STK32B: variants seen among roughly 807,000 people sequenced by gnomAD.
The protein encoded by STK32B is serine/threonine kinase 32B, also known as serine/threonine-protein kinase 32B.
Under a neutral mutation model 52.6 loss-of-function variants are expected in STK32B, and 43 were observed. That is an observed-to-expected ratio of 0.82 (90% CI 0.64 to 1.05). The LOEUF (loss-of-function observed/expected upper bound fraction) is 1.05. STK32B is among the 50% of genes least tolerant of loss of function. The pLI is 0.00. For missense variants in STK32B, 621 were observed against 534.6 expected (o/e 1.16, Z -1.59); for synonymous variants, 238 against 204.3 (o/e 1.17, Z -1.41).
chr4:5,177,330 A>T (rs1468022542), intron 3 of STK32B, among the ~76,000 whole-genome samples: 1 of 152,168 alleles, frequency 6.6e-6, no homozygotes, highest in Admixed American at 6.5e-5. Flanking sequence ...AGATCTTATG[A>T]GAACTCAGTA....
At chr4:5,149,169 A>G (rs984073357) in intron 2 of STK32B, among the ~76,000 whole-genome samples, 6 of 151,876 alleles carry the variant, frequency 4.0e-5, no homozygotes, top group African/African-American at 1.4e-4. Flanking sequence ...TAACCTACTT[A>G]TGCTTACTGT....
intron 2 of STK32B, among the ~76,000 whole-genome samples, chr4:5,164,899 T>C (rs1289145620): frequency 2.0e-5 from 3 of 152,324 alleles, no homozygotes; most frequent in East Asian, 1.9e-4. Context: ...TTTTCTCTTT[T>C]AGCCTCTATC....
intron 4 of STK32B, among the ~76,000 whole-genome samples, chr4:5,348,856 C>T (rs1316417292): frequency 6.6e-6 from 1 of 152,186 alleles, no homozygotes; most frequent in Non-Finnish European, 1.5e-5. Context: ...GGGGAATCAT[C>T]ATCCAACCCA....
chr4:5,049,618 T>C (rs1461921118), upstream of STK32B, among the ~76,000 whole-genome samples: 3 of 152,170 alleles, frequency 2.0e-5, no homozygotes, highest in Non-Finnish European at 2.9e-5. Context: ...TGTCATCAGT[T>C]AAGGCAGGAA....
intron 1 of STK32B, among the ~76,000 whole-genome samples, chr4:5,104,482 T>C (rs545813671): frequency 6.6e-6 from 1 of 152,362 alleles, no homozygotes; most frequent in South Asian, 2.1e-4. Context: ...ACTCTATTTC[T>C]AGTTTGTTAA....
intron 11 of STK32B, among the ~76,000 whole-genome samples, chr4:5,497,823 G>A (rs957446152): frequency 1.3e-5 from 2 of 152,202 alleles, no homozygotes; most frequent in Admixed American, 6.5e-5. Context: ...ACAGAGGCTT[G>A]CTGGGTGAAA....
chr4:5,370,154 C>T (rs1222739967), intron 4 of STK32B, among the ~76,000 whole-genome samples: 2 of 151,648 alleles, frequency 1.3e-5, no homozygotes, highest in South Asian at 2.1e-4. Flanking sequence ...GGATTACAGG[C>T]GTGAGCCACC....
chr4:5,483,039 TA>T (rs1718850898), intron 11 of STK32B, among the ~76,000 whole-genome samples: 1 of 152,168 alleles, frequency 6.6e-6, no homozygotes, highest in African/African-American at 2.4e-5. Context: ...GATATTGGTC[TA>T]AAATTCTCTT....
At chr4:5,482,349 T>A (rs1303912938) in intron 11 of STK32B, among the ~76,000 whole-genome samples, 2 of 152,198 alleles carry the variant, frequency 1.3e-5, no homozygotes, top group East Asian at 1.9e-4. Context: ...TTGAAGCAAT[T>A]GTGAATGGGA....
intron 3 of STK32B, among the ~76,000 whole-genome samples, chr4:5,185,836 T>C (rs1720698575): frequency 6.6e-6 from 1 of 152,202 alleles, no homozygotes; most frequent in South Asian, 2.1e-4. Context: ...CTTTCTGTGA[T>C]CTAGCCTGTA....
chr4:5,226,748 T>A lies in STK32B; in HGVS notation c.260+58298T>A, dbSNP rs1285746816. Among the ~76,000 whole-genome samples the A allele has an allele frequency of 2.0e-5, 3 of 152,316 alleles. No homozygotes were observed. The East Asian group carries it at 5.8e-4, about 29-fold the overall frequency. ...ATATATGCCAAAGAGAAATTGTTAA[T>A]CTCTTACTGGTTCTAATTTATAATG... is the stretch of plus-strand genomic sequence containing the variant. On this transcript the variant is annotated intron_variant, in intron 3 of 11. Transcript: ENST00000282908.
intron 3 of STK32B, among the ~76,000 whole-genome samples, chr4:5,294,107 G>A (rs1015603745): frequency 6.6e-6 from 1 of 152,076 alleles, no homozygotes; most frequent in African/African-American, 2.4e-5. Flanking sequence ...TAGATGGGTG[G>A]CATTATTTCT....
chr4:5,436,483 T>C (rs1193119454), intron 6 of STK32B: 1 of 499,454 alleles, frequency 2.0e-6, no homozygotes, highest in East Asian at 1.6e-4. Context: ...TAGCAGGGAA[T>C]ACCATCATCT....
rs986977094 is a variant in STK32B at position 5,394,333 on chromosome 4, C to T, written c.435-3874C>T. ...ACCGCCTTCCCATCCATGCAATGCT[C>T]CTGATGCCCTTTCTGAACGTTCAAA... On this transcript the variant is annotated intron_variant, in intron 4 of 11. Coordinates refer to ENST00000282908, the MANE Select transcript of STK32B (RefSeq NM_018401.3). This position sits in a 1 kb window ranked among gnomAD's most constrained non-coding sequence, Gnocchi z 4.2. 1.3e-5 allele frequency among the ~76,000 whole-genome samples: 2 copies of T among 152,178 alleles called. No homozygotes were observed. Among genetic ancestry groups the T allele is most frequent in the Non-Finnish European group, 2.9e-5 (2 of 68,040 alleles).
intron 7 of STK32B, chr4:5,447,025 G>A (rs1348341260): frequency 7.8e-6 from 3 of 384,498 alleles, no homozygotes; most frequent in East Asian, 4.4e-5. Flanking sequence ...GGCCCACAGC[G>A]GATCAGTGAC....
chr4:5,402,739 G>A (rs1406420330), intron 5 of STK32B, among the ~76,000 whole-genome samples: 3 of 152,226 alleles, frequency 2.0e-5, no homozygotes, highest in Non-Finnish European at 2.9e-5. Context: ...TGCAGCCAAG[G>A]CTGTGGGAGG....
chr4:5,375,750 A>G (rs1338838671), intron 4 of STK32B, among the ~76,000 whole-genome samples: 1 of 152,002 alleles, frequency 6.6e-6, no homozygotes, highest in Non-Finnish European at 1.5e-5. Flanking sequence ...ATGTCTACTG[A>G]TGACTGTTCC....
chr4:5,151,703 T>C (rs1055943098), intron 2 of STK32B, among the ~76,000 whole-genome samples: 1 of 152,196 alleles, frequency 6.6e-6, no homozygotes, highest in African/African-American at 2.4e-5. Context: ...CAATTTAGAT[T>C]TTGGAGTCAG....
intron 2 of STK32B, among the ~76,000 whole-genome samples, chr4:5,150,694 C>CT (rs1717287527): frequency 6.6e-6 from 1 of 151,756 alleles, no homozygotes; most frequent in African/African-American, 2.4e-5. Context: ...GATTTCTCCT[C>CT]TTGGATACTC....
Sources: allele counts gnomAD v4.1 joint callset (sites outside exome capture counted in the v4.1 genomes callset), GRCh38; gene constraint gnomAD v4.1.1; non-coding constraint Gnocchi (gnomAD v3.1); transcripts MANE v1.5; gene names NCBI Gene and HGNC (gene_info 2026-07-23, HGNC 2026-07-21).